The following AGO1 variants were observed in gnomAD, a reference collection of about 807,000 sequenced individuals.
AGO1 encodes the protein protein argonaute-1.
Under a neutral mutation model 109.2 loss-of-function variants are expected in AGO1, and 11 were observed. The observed-to-expected ratio is 0.10, with a 90% CI of 0.06 to 0.17. The LOEUF (loss-of-function observed/expected upper bound fraction) is 0.17. AGO1 is among the 10% of genes least tolerant of loss of function. AGO1 has a pLI of 1.00. For synonymous variants in AGO1, 422 were observed against 418.6 expected, an observed-to-expected ratio of 1.01 and a Z score of -0.10; for missense variants, 574 against 1,140.3, an observed-to-expected ratio of 0.50 and a Z score of 7.15.
At chr1:35,884,809 A>G (rs569070876) in intron 1 of AGO1, among the ~76,000 whole-genome samples, 1 of 152,110 alleles carries the variant, frequency 6.6e-6, no homozygotes, top group East Asian at 1.9e-4. Context: ...GGGTGGTGAT[A>G]CCTCTTGTGT....
At chr1:35,890,264 C>G (rs1170323836) in intron 2 of AGO1, among the ~76,000 whole-genome samples, 1 of 152,152 alleles carries the variant, frequency 6.6e-6, no homozygotes. Context: ...CTCAAGCAGT[C>G]TGCCCGCCTC....
chr1:35,902,955 C>A (rs1343914669), intron 11 of AGO1, among the ~76,000 whole-genome samples: 1 of 151,286 alleles, frequency 6.6e-6, no homozygotes, highest in Non-Finnish European at 1.5e-5. Context: ...TTAAAGAAAC[C>A]AGGCAGTAAT....
At chr1:35,912,408 C>A (rs977298338) in intron 12 of AGO1, among the ~76,000 whole-genome samples, 1 of 149,956 alleles carries the variant, frequency 6.7e-6, no homozygotes, top group Admixed American at 6.6e-5. Context: ...ACTACCTGTA[C>A]CTAATTATCA....
At chr1:35,903,389 A>C (rs544577409) in intron 11 of AGO1, among the ~76,000 whole-genome samples, 11 of 151,790 alleles carry the variant, frequency 7.2e-5, no homozygotes, top group African/African-American at 2.7e-4. Context: ...ACATACAGTT[A>C]GTTGGTTACT....
chr1:35,915,561 G>A lies in AGO1; in HGVS notation c.2028+19G>A, dbSNP rs367864070. The A allele has an allele frequency of 5.0e-5, 80 of 1,608,916 alleles. No homozygotes were observed. Among genetic ancestry groups the A allele is most frequent in the Non-Finnish European group, 6.5e-5 (76 of 1,176,730 alleles). ...ACCCCAGGTAGGGCCCACAGTAGGT[G>A]GAGAAAACCTTCACATCATGGCTGG... On this transcript the variant is annotated intron_variant, in intron 15 of 18. Coordinates refer to ENST00000373204, the MANE Select transcript of AGO1 (RefSeq NM_012199.5).
chr1:35,918,983 G>T, intron 17 of AGO1, 72 bp from the exon 18 acceptor site: 1 of 1,355,922 alleles, frequency 7.4e-7, no homozygotes, highest in Non-Finnish European at 1.1e-6. Context: ...ATTCTTAACA[G>T]TGATCCTGTT....
At chr1:35,896,030 G>A (rs188710639) in intron 8 of AGO1, among the ~76,000 whole-genome samples, 41 of 151,436 alleles carry the variant, frequency 2.7e-4, no homozygotes, top group Non-Finnish European at 5.5e-4. Flanking sequence ...ATGGAGTTTC[G>A]TTCTTGTTGC....
chr1:35,903,551 GTCA>G (rs939423517), intron 11 of AGO1, among the ~76,000 whole-genome samples: 5 of 152,224 alleles, frequency 3.3e-5, no homozygotes, highest in Non-Finnish European at 7.4e-5. Flanking sequence ...TGACCTTGGA[GTCA>G]TCATGAGAAT....
chr1:35,908,853 C>G (rs924727025), intron 12 of AGO1, among the ~76,000 whole-genome samples: 3 of 135,210 alleles, frequency 2.2e-5, no homozygotes, highest in Admixed American at 8.2e-5. Flanking sequence ...GAGTCTTGCT[C>G]TGTTGCCCAG....
chr1:35,891,348 A>G (rs565504987), intron 2 of AGO1, among the ~76,000 whole-genome samples: 3 of 152,332 alleles, frequency 2.0e-5, no homozygotes, highest in Admixed American at 6.5e-5. Flanking sequence ...TCAGGAAGTA[A>G]GAGATGGTAA....
chr1:35,881,944 T>TA (rs1426703683), upstream of AGO1, among the ~76,000 whole-genome samples: 1 of 152,194 alleles, frequency 6.6e-6, no homozygotes, highest in Non-Finnish European at 1.5e-5. Context: ...TCTAGCAAGA[T>TA]ATGATAAGGG....
At chr1:35,889,369 C>CACGTAGA (rs1233553762) in intron 2 of AGO1, among the ~76,000 whole-genome samples, 1 of 151,646 alleles carries the variant, frequency 6.6e-6, no homozygotes, top group Non-Finnish European at 1.5e-5. Context: ...GCCACCATGC[C>CACGTAGA]TGGCTAATTT....
chr1:35,887,106 G>C (rs942022508), intron 1 of AGO1, among the ~76,000 whole-genome samples: 2 of 152,146 alleles, frequency 1.3e-5, no homozygotes, highest in African/African-American at 4.8e-5. Flanking sequence ...TTTCCATCCA[G>C]GCTGGGCCTT....
rs1392507986 is a variant in AGO1, at chr1:35,893,586, T to C, written c.513-88T>C. 6.4e-6 allele frequency: 9 copies of C among 1,406,392 alleles called. No homozygotes were observed. Among genetic ancestry groups the C allele is most frequent in the Non-Finnish European group, 8.6e-6 (9 of 1,048,990 alleles). The allele number at this position is 1,406,392 out of a possible 1,614,324, so 87.1% of individuals were successfully genotyped here. ...GGCATTAAAGCCCCGGTGTCCTGCC[T>C]TTCAGGCCAGGGCTCCTCCGTGCCC... On this transcript the variant is annotated intron_variant, in intron 4 of 18. Coordinates refer to ENST00000373204, the MANE Select transcript of AGO1 (RefSeq NM_012199.5). The surrounding 1 kb of genome is among the most constrained non-coding windows in gnomAD (Gnocchi z 5.6).
chr1:35,882,339 C>T (rs879360472), upstream of AGO1, among the ~76,000 whole-genome samples: 9 of 152,054 alleles, frequency 5.9e-5, no homozygotes, highest in Non-Finnish European at 1.0e-4. This position sits in a 1 kb window ranked among gnomAD's most constrained non-coding sequence, Gnocchi z 5.1. Context: ...GGTTTGGAAC[C>T]ACAGTGAACA....
chr1:35,895,316 G>T, intron 8 of AGO1, 47 bp downstream of exon 8: 1 of 1,543,668 alleles, frequency 6.5e-7, no homozygotes. Context: ...GTATATACCT[G>T]CATGCTGATC....
At chr1:35,876,480 A>G (rs559781592) in intron 1 of AGO1, among the ~76,000 whole-genome samples, 4 of 152,028 alleles carry the variant, frequency 2.6e-5, no homozygotes, top group African/African-American at 9.6e-5. Context: ...GTTAGCCAGG[A>G]TGGTCTTGAT....
intron 14 of AGO1, among the ~76,000 whole-genome samples, chr1:35,914,863 C>T (rs1368483148): frequency 6.6e-6 from 1 of 152,166 alleles, no homozygotes; most frequent in Admixed American, 6.5e-5. Context: ...GCCATCCCTC[C>T]TAGGCTTTGG....
chr1:35,883,262 C>T lies in AGO1; in HGVS notation c.-160C>T, dbSNP rs968367755. 7.4e-6 allele frequency: 10 copies of T among 1,357,206 alleles called. No homozygotes were observed. In the South Asian group the frequency reaches 8.9e-5, roughly 12 times the overall value. 84.1% of individuals were successfully genotyped at this position (1,357,206 alleles called of 1,614,324 possible). ...GGAGCTGCTGCAGGCTCCGCGGCGG[C>T]GGCAACGGAGGCTGCGGGGGCGGCG... On this transcript the variant is annotated 5_prime_UTR_variant, in exon 1 of 19. Transcript: ENST00000373204. This position sits in a 1 kb window ranked among gnomAD's most constrained non-coding sequence, Gnocchi z 5.4.
Sources: allele counts gnomAD v4.1 joint callset (sites outside exome capture counted in the v4.1 genomes callset), GRCh38; gene constraint gnomAD v4.1.1; non-coding constraint Gnocchi (gnomAD v3.1); transcripts MANE v1.5; gene names NCBI Gene and HGNC (gene_info 2026-07-23, HGNC 2026-07-21).